Variants in BRWD1 observed in about 807,000 individuals in gnomAD.
BRWD1 encodes bromodomain and WD repeat-containing protein 1.
Under a neutral mutation model 251.2 loss-of-function variants are expected in BRWD1, and 82 were observed. The ratio of observed to expected loss-of-function variants is 0.33; its 90% CI spans 0.27 to 0.39. The LOEUF (loss-of-function observed/expected upper bound fraction) is 0.39. BRWD1 is among the 10% of genes least tolerant of loss of function. The pLI is 1.00. For missense variants in BRWD1, 2,233 were observed against 2,711.6 expected, an observed-to-expected ratio of 0.82 and a Z score of 3.92; for synonymous variants, 918 against 902.8, an observed-to-expected ratio of 1.02 and a Z score of -0.30.
At chr21:39,295,063 TGAG>T (rs1009670648) in intron 7 of BRWD1, among the ~76,000 whole-genome samples, 9 of 152,074 alleles carry the variant, frequency 5.9e-5, no homozygotes, top group African/African-American at 2.2e-4. Context: ...TGTAGAGGTC[TGAG>T]GAGCTTTTTA....
intron 8 of BRWD1, among the ~76,000 whole-genome samples, chr21:39,281,567 C>T (rs981170902): frequency 2.0e-5 from 3 of 152,162 alleles, no homozygotes; most frequent in African/African-American, 4.8e-5. Flanking sequence ...TGATGACACA[C>T]GGCTGTGATC....
Position 39,313,570 on chromosome 21 carries a change from G to A in BRWD1, c.-79C>T, listed in dbSNP as rs1480549939. Reference sequence around the variant, plus strand: ...CGCGCCGAGGCCTGACCGGGCTGGCGTCCCCTCTTCTCAGGCGCGCGCCGC... The same window carrying A: ...CGCGCCGAGGCCTGACCGGGCTGGCATCCCCTCTTCTCAGGCGCGCGCCGC... On this transcript the variant is annotated 5_prime_UTR_variant, in exon 1 of 41. It adds an upstream start codon to the 5' untranslated region. Coordinates refer to ENST00000342449, the MANE Select transcript of BRWD1 (RefSeq NM_033656.4). 5 of 1,200,664 alleles carry A rather than the reference G, an allele frequency of 4.2e-6. No homozygotes were observed. Among genetic ancestry groups the A allele is most frequent in the Admixed American group, 4.4e-5 (1 of 22,478 alleles). 74.4% of individuals were successfully genotyped at this position (1,200,664 alleles called of 1,614,324 possible). A position where few individuals can be genotyped will look rare whatever the true frequency, so the allele number is the denominator to read the frequency against.
rs762215901 is a variant in BRWD1 at position 39,196,671 on chromosome 21, G to C, written c.6398C>G (p.Pro2133Arg). The C allele has an allele frequency of 6.2e-7, 1 of 1,613,878 alleles. No individual in the cohort carries two copies. The highest frequency in any genetic ancestry group is 8.5e-7 in the Non-Finnish European group (1 of 1,179,862). The stretch of plus-strand genomic sequence containing the variant: ...AGAGATTTTCACATTTTCCAATTCA[G>C]GATGCGATCTCTTCCTTTTTACTTC... ...EKEVKRKRSH[P>R]ELENVKISET... is the part of the protein sequence containing the mutation. The change falls in exon 41 of 41, where the codon CCT becomes CGT. Residue 2133 changes from proline to arginine, a missense_variant. Transcript: ENST00000342449.
Position 39,198,916 on chromosome 21 carries a change from C to T in BRWD1, c.5500G>A (p.Asp1834Asn), listed in dbSNP as rs1398692901. 2.5e-6 allele frequency: 4 copies of T among 1,614,016 alleles called. No individual in the cohort carries two copies. The African/African-American group carries it at 5.3e-5, about 22-fold the overall frequency. Reference sequence around the variant, plus strand: ...ATTTCCATTTTATGACATTTCCCATCTTCTCTATCTTGCTCTTCAGATTCA... The same window carrying T: ...ATTTCCATTTTATGACATTTCCCATTTTCTCTATCTTGCTCTTCAGATTCA... ...DSESEEQDRE[D>N]GKCHKMEMNP... Residue 1834 changes from aspartate (D) to asparagine (N), a missense_variant, in exon 40 of 41, where the codon GAT (aspartate) becomes AAT (asparagine). Asp to Asn is a conservative substitution (Grantham distance 23, BLOSUM62 1). Coordinates refer to ENST00000342449, the MANE Select transcript of BRWD1 (RefSeq NM_033656.4).
At chr21:39,210,975 A>T in intron 34 of BRWD1, 46 bp from the exon 35 acceptor site, 1 of 1,553,180 alleles carries the variant, frequency 6.4e-7, no homozygotes, top group Non-Finnish European at 8.7e-7. Flanking sequence ...CTATTGGTGT[A>T]AGACTGTGGT....
intron 8 of BRWD1, among the ~76,000 whole-genome samples, 186 bp downstream of exon 8, chr21:39,293,624 TA>T (rs2035876460): frequency 6.6e-6 from 1 of 152,244 alleles, no homozygotes; most frequent in African/African-American, 2.4e-5. Flanking sequence ...AGCCTTCATG[TA>T]AATATGCATT....
chr21:39,288,334 C>A (rs1399285128), intron 8 of BRWD1, among the ~76,000 whole-genome samples: 1 of 152,192 alleles, frequency 6.6e-6, no homozygotes, highest in African/African-American at 2.4e-5. Context: ...CACAGGTCAA[C>A]CCTATTCAGC....
chr21:39,233,817 C>T (rs1312369159), intron 23 of BRWD1, among the ~76,000 whole-genome samples: 2 of 152,102 alleles, frequency 1.3e-5, no homozygotes, highest in East Asian at 1.9e-4. Flanking sequence ...GTCAGAAGTT[C>T]GAGACCACCC....
In BRWD1 at chr21:39,202,403, C is replaced by T. The variant is rs1205413186; in HGVS notation, c.4507G>A (p.Gly1503Ser). The change falls in exon 38 of 41, where the codon GGT (glycine) becomes AGT (serine). Residue 1503 changes from glycine to serine, a missense_variant. Gly to Ser is a moderately conservative substitution (Grantham distance 56). Around this residue, in one of 12 missense-constraint regions of BRWD1, gnomAD observed 928 missense variants for 970.0 expected, o/e 0.96. Coordinates refer to ENST00000342449, the MANE Select transcript of BRWD1 (RefSeq NM_033656.4). ...GATTCTGCTGAATCTGAAGAGTCAC[C>T]AGAAGTAACACCTGAAGAGATACCA... is the stretch of plus-strand genomic sequence containing the variant. ...SAGISSGVTS[G>S]DSSDSAESSE... is the part of the protein sequence containing the mutation. 6.2e-7 allele frequency: 1 copy of T among 1,614,008 alleles called. No homozygotes were observed. Among genetic ancestry groups the T allele is most frequent in the East Asian group, 2.2e-5 (1 of 44,850 alleles).
At chr21:39,273,140 AG>A (rs2035171209) in intron 13 of BRWD1, among the ~76,000 whole-genome samples, 1 of 152,184 alleles carries the variant, frequency 6.6e-6, no homozygotes, top group Admixed American at 6.5e-5. Context: ...AAAACTAAAC[AG>A]TTTTCAGTCT....
chr21:39,310,766 T>C (rs1294897554), intron 4 of BRWD1, among the ~76,000 whole-genome samples: 1 of 152,124 alleles, frequency 6.6e-6, no homozygotes, highest in Non-Finnish European at 1.5e-5. Flanking sequence ...GCTCACTACA[T>C]CCTCAACCTC....
In BRWD1 at chr21:39,195,570, T is replaced by A; in HGVS notation, c.*689A>T. The A allele has an allele frequency of 1.0e-6, 1 of 984,852 alleles. No homozygotes were observed. Among genetic ancestry groups the A allele is most frequent in the African/African-American group, 1.7e-5 (1 of 57,294 alleles). 61.0% of individuals were successfully genotyped at this position (984,852 alleles called of 1,614,324 possible). On this transcript the variant is annotated 3_prime_UTR_variant, in exon 41 of 41. Transcript: ENST00000342449. ...TAGAGGTTTAAAACATGCACTCAAA[T>A]CATTAAAAATAATTTACCAGCACTT... is the stretch of plus-strand genomic sequence containing the variant.
intron 17 of BRWD1, among the ~76,000 whole-genome samples, chr21:39,261,392 G>A (rs79027343): frequency 0.014 from 2,184 of 152,164 alleles, 50 homozygotes; most frequent in African/African-American, 0.05. Flanking sequence ...AGTGCTTTAC[G>A]TACACTTCCA....
Position 39,196,900 on chromosome 21 carries a change from T to C in BRWD1, c.6169A>G (p.Lys2057Glu), listed in dbSNP as rs1393611075. The C allele has an allele frequency of 1.2e-6, 2 of 1,613,922 alleles. No homozygotes were observed. The highest frequency in any genetic ancestry group is 3.3e-5 in the Admixed American group (2 of 60,018). ...GTCTCACTCCCTGGAATATGACTTTTTGAATCTTCTCCTGAAGATGTAACA... is the reference window on the plus strand; with the variant it reads ...GTCTCACTCCCTGGAATATGACTTTCTGAATCTTCTCCTGAAGATGTAACA... ...SSVTSSGEDS[K>E]SHIPGSETDR... is the part of the protein sequence containing the mutation. The change falls in exon 41 of 41, where the codon AAA (lysine) becomes GAA (glutamate). Residue 2057 changes from lysine to glutamate, a missense_variant. Around this residue, in one of 12 missense-constraint regions of BRWD1, gnomAD observed 928 missense variants for 970.0 expected, o/e 0.96. Transcript: ENST00000342449.
chr21:39,250,997 T>A, intron 19 of BRWD1, 108 bp from the exon 20 acceptor site: 1 of 645,758 alleles, frequency 1.5e-6, no homozygotes, highest in Non-Finnish European at 2.6e-6. Context: ...TTATGTACTT[T>A]AAAAATACAC....
Position 39,280,100 on chromosome 21 carries a change from G to A in BRWD1, c.932+48C>T, listed in dbSNP as rs200782245. On this transcript the variant is annotated intron_variant, in intron 9 of 40. Transcript: ENST00000342449. Reference sequence around the variant, plus strand: ...AAACTTCATTTCATTAGATTAAACTGTAACTACATTAAAAAACAAAACCTG... The same window carrying A: ...AAACTTCATTTCATTAGATTAAACTATAACTACATTAAAAAACAAAACCTG... The A allele has an allele frequency of 6.7e-5, 89 of 1,328,682 alleles. 1 individual carries two copies. The East Asian group carries it at 1.3e-3, about 19-fold the overall frequency. The allele number at this position is 1,328,682 out of a possible 1,614,324, so 82.3% of individuals were successfully genotyped here.
Position 39,195,008 on chromosome 21 carries a change from A to G in BRWD1, c.*1251T>C. 7.1e-7 allele frequency: 1 copy of G among 1,418,200 alleles called. No homozygotes were observed. The highest frequency in any genetic ancestry group is 9.2e-7 in the Non-Finnish European group (1 of 1,090,022). 87.9% of individuals were successfully genotyped at this position (1,418,200 alleles called of 1,614,324 possible). ...AGTTAGGAATGGCCATCTACACTGG[A>G]GTAGCATAACCTATCAAGTATTTGG... On this transcript the variant is annotated 3_prime_UTR_variant, in exon 41 of 41. Coordinates refer to ENST00000342449, the MANE Select transcript of BRWD1 (RefSeq NM_033656.4).
At position 39,278,757 on chromosome 21, in the gene BRWD1, GA is replaced by G; in HGVS notation, c.988del (p.Ser330LeufsTer10). The G allele has an allele frequency of 6.3e-7, 1 of 1,587,010 alleles. No individual in the cohort carries two copies. The highest frequency in any genetic ancestry group is 8.5e-7 in the Non-Finnish European group (1 of 1,170,548). On this transcript the variant is annotated frameshift_variant, in exon 10 of 41. Transcript: ENST00000342449. LOFTEE classifies it high-confidence loss of function. The part of the protein sequence containing the change: ...KPRPGVQMLC[S>X]SFSVGGMFLA... ...GAAGTTCTTACCAACACTAAAAGAA[GA>G]ACAAAGCATTTGAACGCCTGGCCTA...
intron 13 of BRWD1, among the ~76,000 whole-genome samples, chr21:39,272,161 G>A (rs913892947): frequency 4.0e-5 from 6 of 151,660 alleles, no homozygotes; most frequent in Admixed American, 2.6e-4. Flanking sequence ...GAGGCCGGGC[G>A]CGGTGGCTCA....
Sources: allele counts gnomAD v4.1 joint callset (sites outside exome capture counted in the v4.1 genomes callset), GRCh38; gene constraint gnomAD v4.1.1; regional missense constraint gnomAD v4.1.1; transcripts MANE v1.5; gene names NCBI Gene and HGNC (gene_info 2026-07-23, HGNC 2026-07-21).